The following PES1 variants were observed in gnomAD, a reference collection of about 807,000 sequenced individuals.
The protein encoded by PES1 is pescadillo ribosomal biogenesis factor 1.
Under a neutral mutation model 77.1 loss-of-function variants are expected in PES1, and 31 were observed. That is an observed-to-expected ratio of 0.40 (90% CI 0.30 to 0.54). PES1 has a LOEUF of 0.54. PES1 is among the 20% of genes least tolerant of loss of function. The probability of loss-of-function intolerance (pLI) is 0.45; values close to 1 mark genes in which losing one functional copy is unlikely to be tolerated. For missense variants in PES1, 658 were observed against 771.7 expected, an observed-to-expected ratio of 0.85 and a Z score of 1.75; for synonymous variants, 282 against 303.0, an observed-to-expected ratio of 0.93 and a Z score of 0.72.
chr22:30,580,688 T>G lies in PES1; in HGVS notation c.926A>C (p.Gln309Pro), dbSNP rs1195318679. The G allele has an allele frequency of 4.3e-5, 69 of 1,613,234 alleles. No individual in the cohort carries two copies. The highest frequency in any genetic ancestry group is 5.5e-5 in the Non-Finnish European group (65 of 1,180,020). The change falls in exon 10 of 15, where the codon CAG becomes CCG. Residue 309 changes from glutamine to proline, a missense_variant. By Grantham distance (76) the Gln-to-Pro change is moderately conservative. Coordinates refer to ENST00000354694, the MANE Select transcript of PES1 (RefSeq NM_014303.4). ...EFPTDGEMSA[Q>P]EEDRRKELEA... ...CAGCTCCTTCCTGCGGTCTTCCTCC[T>G]GCGCTGACATCTCCTGTTGAGAAAG...
At position 30,588,570 on chromosome 22, in the gene PES1, G is replaced by C. The variant is rs142703055; in HGVS notation, c.105-396C>G. ...AGGCAGGAGGATCACCTGAGGTCAT[G>C]AACTGGAGACCAGCCTGGCCAACAT... On this transcript the variant is annotated intron_variant, in intron 2 of 14. Coordinates refer to ENST00000354694, the MANE Select transcript of PES1 (RefSeq NM_014303.4). 2.7e-3 allele frequency among the ~76,000 whole-genome samples: 415 copies of C among 152,200 alleles called. 4 individuals are homozygous for C. Among genetic ancestry groups the C allele is most frequent in the African/African-American group, 9.4e-3 (390 of 41,538 alleles).
intron 2 of PES1, among the ~76,000 whole-genome samples, chr22:30,604,279 TAATC>T (rs1170812222): frequency 6.6e-6 from 1 of 152,242 alleles, no homozygotes; most frequent in East Asian, 1.9e-4. Context: ...AAAATATAAA[TAATC>T]AGTAAAAAAA....
In PES1 at chr22:30,589,245, T is replaced by C; in HGVS notation, c.50A>G (p.Tyr17Cys). ...CTTCCGGGCTTTGTTCCGGGTGATG[T>C]AGTTGGTGGCCGAGCCTCGTTCATA... The part of the protein sequence containing the change: ...KKYERGSATN[Y>C]ITRNKARKKL... The change falls in exon 2 of 15, where the codon TAC becomes TGC. Residue 17 changes from tyrosine (Y) to cysteine (C), a missense_variant. Tyr to Cys is a radical substitution (Grantham distance 194, BLOSUM62 -2). Transcript: ENST00000354694. The C allele has an allele frequency of 6.2e-7, 1 of 1,613,912 alleles. No homozygotes were observed.
chr22:30,599,470 T>G (rs2087320672), intron 2 of PES1, among the ~76,000 whole-genome samples: 1 of 152,182 alleles, frequency 6.6e-6, no homozygotes, highest in Non-Finnish European at 1.5e-5. Flanking sequence ...AGCGAAATCT[T>G]CCGAGTTATC....
At chr22:30,596,975 C>G (rs967173103) in intron 2 of PES1, among the ~76,000 whole-genome samples, 1 of 152,226 alleles carries the variant, frequency 6.6e-6, no homozygotes, top group African/African-American at 2.4e-5. Context: ...GCCGGCCCCG[C>G]TGGCCACGGG....
chr22:30,597,837 G>A (rs1339685094), intron 2 of PES1, among the ~76,000 whole-genome samples: 1 of 151,422 alleles, frequency 6.6e-6, no homozygotes, highest in Non-Finnish European at 1.5e-5. Context: ...GCCCGACTCA[G>A]CTGTGGTAAC....
intron 4 of PES1, among the ~76,000 whole-genome samples, chr22:30,586,826 G>A (rs1468142926): frequency 6.6e-6 from 1 of 152,188 alleles, no homozygotes; most frequent in Non-Finnish European, 1.5e-5. Flanking sequence ...GGTGGTGTCT[G>A]TAATCCCAAC....
intron 3 of PES1, 151 bp downstream of exon 3, chr22:30,587,870 C>T (rs895101226): frequency 2.7e-6 from 2 of 751,002 alleles, no homozygotes; most frequent in African/African-American, 1.8e-5. Flanking sequence ...AACTAACCGA[C>T]CTCTTCCCTC....
chr22:30,592,580 T>C (rs1394387051), upstream of PES1, among the ~76,000 whole-genome samples: 1 of 152,224 alleles, frequency 6.6e-6, no homozygotes, highest in Non-Finnish European at 1.5e-5. Flanking sequence ...GCGGATCATC[T>C]GAGGTCAGGA....
chr22:30,585,138 C>G, intron 4 of PES1: 1 of 405,972 alleles, frequency 2.5e-6, no homozygotes, highest in South Asian at 1.9e-5. Context: ...GAGCAGGGAG[C>G]GGGGTGGGGG....
intron 2 of PES1, among the ~76,000 whole-genome samples, chr22:30,598,777 A>T (rs1028493553): frequency 6.6e-6 from 1 of 151,438 alleles, no homozygotes; most frequent in South Asian, 2.1e-4. Flanking sequence ...AGATGTGTTT[A>T]CATATGTTGT....
chr22:30,600,635 T>G (rs1448591356), intron 2 of PES1, among the ~76,000 whole-genome samples: 1 of 151,742 alleles, frequency 6.6e-6, no homozygotes, highest in Non-Finnish European at 1.5e-5. Context: ...GCTAACACGG[T>G]GAAACCCCGT....
At chr22:30,582,611 T>C (rs570882160) in intron 6 of PES1, among the ~76,000 whole-genome samples, 29 of 152,272 alleles carry the variant, frequency 1.9e-4, no homozygotes, top group African/African-American at 6.0e-4. Context: ...CGGCAGGATG[T>C]TCCGAGCAAC....
At position 30,588,015 on chromosome 22, in the gene PES1, C is replaced by T; in HGVS notation, c.258+6G>A. On this transcript the variant is annotated splice_donor_region_variant and intron_variant, in intron 3 of 14. Transcript: ENST00000354694. Reference sequence around the variant, plus strand: ...AACCTGACAGACCCTAGAGCCCAGACCTCACCTTGTATTCACGGAACTTGT... The same window carrying T: ...AACCTGACAGACCCTAGAGCCCAGATCTCACCTTGTATTCACGGAACTTGT... 1 of 1,613,378 alleles carries T rather than the reference C, an allele frequency of 6.2e-7. No individual in the cohort carries two copies. Among genetic ancestry groups the T allele is most frequent in the Non-Finnish European group, 8.5e-7 (1 of 1,179,986 alleles).
chr22:30,577,144 G>A lies in PES1; in HGVS notation c.1684-15C>T. 2 of 1,611,372 alleles carry A rather than the reference G, an allele frequency of 1.2e-6. No individual in the cohort carries two copies. The highest frequency in any genetic ancestry group is 1.1e-5 in the South Asian group (1 of 91,042). On this transcript the variant is annotated splice_polypyrimidine_tract_variant and intron_variant, in intron 14 of 14. Coordinates refer to ENST00000354694, the MANE Select transcript of PES1 (RefSeq NM_014303.4). ...AGCTTGTTGGCCTGTGAGGGGGAAGGCGAAGGTCAGGCTGAGGTATGTGTA... is the reference window on the plus strand; with the variant it reads ...AGCTTGTTGGCCTGTGAGGGGGAAGACGAAGGTCAGGCTGAGGTATGTGTA...
rs557826707 is a variant in PES1, at chr22:30,589,362, C to G, written c.25-92G>C. The G allele has an allele frequency of 4.6e-4, 499 of 1,073,924 alleles. 1 individual carries two copies. The highest frequency in any genetic ancestry group is 6.6e-4 in the Non-Finnish European group (472 of 719,390). 66.5% of individuals were successfully genotyped at this position (1,073,924 alleles called of 1,614,324 possible). A position where few individuals can be genotyped will look rare whatever the true frequency, so the allele number is the denominator to read the frequency against. On this transcript the variant is annotated intron_variant, in intron 1 of 14. Coordinates refer to ENST00000354694, the MANE Select transcript of PES1 (RefSeq NM_014303.4). The stretch of plus-strand genomic sequence containing the variant: ...TGCCTAGTTCCAGAGGCAACTATCA[C>G]TCTGGATAAGTGGCTGAGATGAGTC...
At chr22:30,587,792 G>C (rs1208356654) in intron 3 of PES1, among the ~76,000 whole-genome samples, 1 of 152,166 alleles carries the variant, frequency 6.6e-6, no homozygotes, top group African/African-American at 2.4e-5. Context: ...ACAAGCTGTG[G>C]GTCTGTGTGT....
intron 2 of PES1, among the ~76,000 whole-genome samples, chr22:30,599,163 C>T (rs2087315693): frequency 6.6e-6 from 1 of 151,930 alleles, no homozygotes; most frequent in Admixed American, 6.6e-5. Flanking sequence ...TCCCAAAGTG[C>T]TGGGATTACA....
chr22:30,596,691 C>T (rs1292502215), upstream of PES1, among the ~76,000 whole-genome samples: 1 of 152,216 alleles, frequency 6.6e-6, no homozygotes, highest in Non-Finnish European at 1.5e-5. Flanking sequence ...AGAGATGATG[C>T]GTGCTGGCAG....
Sources: gnomAD v4.1 joint callset for allele counts (sites outside exome capture counted in the v4.1 genomes callset) on GRCh38, gnomAD v4.1.1 for gene constraint, MANE v1.5 for transcripts, NCBI Gene and HGNC (gene_info 2026-07-23, HGNC 2026-07-21) for gene names.